The following NRXN3 variants were observed in gnomAD, a reference collection of about 807,000 sequenced individuals.
NRXN3 encodes neurexin III.
Under a neutral mutation model 137.6 loss-of-function variants are expected in NRXN3, and 32 were observed. That is an observed-to-expected ratio of 0.23 (90% confidence interval 0.18 to 0.31). The LOEUF (loss-of-function observed/expected upper bound fraction) is 0.31. Ranked by LOEUF, NRXN3 falls within the 10% of genes least tolerant of loss-of-function variation. The pLI is 1.00. For missense variants in NRXN3, 1,574 were observed against 2,062.5 expected (o/e 0.76, Z 4.59); for synonymous variants, 798 against 784.5 (o/e 1.02, Z -0.29).
chr14:78,790,228 C>A (rs1378618771), intron 8 of NRXN3, among the ~76,000 whole-genome samples: 1 of 152,048 alleles, frequency 6.6e-6, no homozygotes, highest in Non-Finnish European at 1.5e-5. Flanking sequence ...TTCTCTATTC[C>A]ATTTTTTTCT....
At chr14:79,114,787 C>T (rs1320113161) in intron 15 of NRXN3, among the ~76,000 whole-genome samples, 1 of 152,064 alleles carries the variant, frequency 6.6e-6, no homozygotes, top group Non-Finnish European at 1.5e-5. Flanking sequence ...CTCAGTCTCC[C>T]AAAGTGCTGA....
intron 15 of NRXN3, among the ~76,000 whole-genome samples, chr14:79,333,903 ATC>A (rs530587042): frequency 4.6e-5 from 7 of 151,638 alleles, no homozygotes; most frequent in African/African-American, 7.2e-5. Context: ...TCATGTTGCC[ATC>A]TCTCTCTCTC....
chr14:79,642,556 G>A (rs2098438012), intron 16 of NRXN3, among the ~76,000 whole-genome samples: 1 of 133,038 alleles, frequency 7.5e-6, no homozygotes, highest in Non-Finnish European at 1.7e-5. Context: ...TTTAATTCAA[G>A]CCACTGATAC....
At chr14:79,759,137 T>G (rs549381155) in intron 19 of NRXN3, among the ~76,000 whole-genome samples, 1 of 152,168 alleles carries the variant, frequency 6.6e-6, no homozygotes. Context: ...CAAAACCATC[T>G]AGTAGTTTCA....
At position 79,808,276 on chromosome 14, in the gene NRXN3, G is replaced by A. The variant is rs375102271; in HGVS notation, c.4093+3086G>A. ...AAAAAATATATATATATATATATAT[G>A]TATGTATGTATGTATGTATCTCAGG... On this transcript the variant is annotated intron_variant, in intron 20 of 20. Coordinates refer to ENST00000335750, the MANE Select transcript of NRXN3 (RefSeq NM_001330195.2). 9.9e-3 allele frequency among the ~76,000 whole-genome samples: 1,337 copies of A among 134,644 alleles called. 18 individuals carry two copies. The highest frequency in any genetic ancestry group is 0.027 in the African/African-American group (995 of 36,238). 88.3% of individuals were successfully genotyped at this position (134,644 alleles called of 152,430 possible).
At chr14:78,426,075 G>C (rs66607952) in intron 4 of NRXN3, among the ~76,000 whole-genome samples, 14,528 of 152,232 alleles carry the variant, frequency 0.095, 983 homozygotes, top group African/African-American at 0.17. Context: ...GACCATCCTG[G>C]GGAGCACAGG....
At chr14:78,961,305 G>A (rs1359894551) in intron 11 of NRXN3, among the ~76,000 whole-genome samples, 2 of 152,140 alleles carry the variant, frequency 1.3e-5, no homozygotes, top group East Asian at 3.9e-4. Context: ...AACCTCATGT[G>A]TGGAAATGGT....
At chr14:79,631,540 C>G (rs565132602) in intron 16 of NRXN3, among the ~76,000 whole-genome samples, 1 of 152,228 alleles carries the variant, frequency 6.6e-6, no homozygotes, top group African/African-American at 2.4e-5. Context: ...TGGGCGCAGC[C>G]GGCTGATGCC....
At chr14:79,229,055 A>G (rs1043123379) in intron 15 of NRXN3, among the ~76,000 whole-genome samples, 5 of 152,128 alleles carry the variant, frequency 3.3e-5, no homozygotes, top group Non-Finnish European at 5.9e-5. Context: ...TCACACAAAT[A>G]TTTAGCAGCC....
intron 15 of NRXN3, among the ~76,000 whole-genome samples, chr14:79,404,113 TTAAAC>T (rs2095263945): frequency 6.6e-6 from 1 of 152,086 alleles, no homozygotes; most frequent in African/African-American, 2.4e-5. Context: ...TGAGATCTAA[TTAAAC>T]TAAAGAGCTT....
intron 2 of NRXN3, among the ~76,000 whole-genome samples, chr14:78,277,840 G>T (rs1158521606): frequency 6.6e-6 from 1 of 152,194 alleles, no homozygotes; most frequent in African/African-American, 2.4e-5. Flanking sequence ...TTTTCTGAAA[G>T]TTCATTGGCT....
intron 1 of NRXN3, among the ~76,000 whole-genome samples, chr14:78,203,590 G>A (rs1215126617): frequency 6.6e-6 from 1 of 152,194 alleles, no homozygotes; most frequent in Non-Finnish European, 1.5e-5. Flanking sequence ...ATCCACCTGT[G>A]TTCGGAAACC....
intron 15 of NRXN3, among the ~76,000 whole-genome samples, chr14:79,038,428 C>T (rs1379978942): frequency 6.6e-6 from 1 of 152,032 alleles, no homozygotes; most frequent in Non-Finnish European, 1.5e-5. Context: ...TTTTCAATTA[C>T]AAAAACACAT....
At chr14:79,699,120 A>G (rs137937210) in intron 19 of NRXN3, among the ~76,000 whole-genome samples, 1 of 151,998 alleles carries the variant, frequency 6.6e-6, no homozygotes. Context: ...AAAGGCTTCT[A>G]AAAACCTGGT....
intron 15 of NRXN3, among the ~76,000 whole-genome samples, chr14:79,278,592 A>G (rs542678715): frequency 6.6e-6 from 1 of 152,200 alleles, no homozygotes; most frequent in Non-Finnish European, 1.5e-5. Context: ...TCTTTGAGCC[A>G]GCCGACTTGG....
At chr14:79,202,298 C>T (rs1205387453) in intron 15 of NRXN3, among the ~76,000 whole-genome samples, 1 of 151,934 alleles carries the variant, frequency 6.6e-6, no homozygotes, top group Non-Finnish European at 1.5e-5. Flanking sequence ...TGTTCCATAC[C>T]TGAGAAAATA....
chr14:79,222,848 C>A (rs1359713080), intron 15 of NRXN3, among the ~76,000 whole-genome samples: 1 of 152,042 alleles, frequency 6.6e-6, no homozygotes, highest in East Asian at 1.9e-4. Flanking sequence ...GTGTTCAGAT[C>A]TTTGGCCATT....
chr14:79,234,293 A>AATATAC (rs1361214154), intron 15 of NRXN3, among the ~76,000 whole-genome samples: 1 of 56,188 alleles, frequency 1.8e-5, no homozygotes, highest in East Asian at 7.0e-4. Flanking sequence ...TTCAATGGTA[A>AATATAC]ATATATATAT....
At chr14:79,242,345 G>A (rs763394335) in intron 15 of NRXN3, among the ~76,000 whole-genome samples, 3 of 152,062 alleles carry the variant, frequency 2.0e-5, no homozygotes, top group Admixed American at 1.3e-4. Context: ...CCAAGCTAAG[G>A]GCAGAAAACA....
Sources: allele counts gnomAD v4.1 joint callset (sites outside exome capture counted in the v4.1 genomes callset), GRCh38; gene constraint gnomAD v4.1.1; transcripts MANE v1.5; gene names NCBI Gene and HGNC (gene_info 2026-07-23, HGNC 2026-07-21).